EFCAB6: variants seen among roughly 807,000 people sequenced by gnomAD.
EFCAB6 encodes the protein EF-hand calcium-binding domain-containing protein 6.
Under a neutral mutation model 169.8 loss-of-function variants are expected in EFCAB6, and 156 were observed. That is an observed-to-expected ratio of 0.92 (90% CI 0.81 to 1.05). The LOEUF is 1.05. Ranked by LOEUF, EFCAB6 falls within the 50% of genes least tolerant of loss-of-function variation. The pLI, the probability that EFCAB6 is intolerant of heterozygous loss-of-function variation, is 0.00. For synonymous variants in EFCAB6, 698 were observed against 676.4 expected (o/e 1.03, Z -0.50); for missense variants, 1,800 against 1,829.1 (o/e 0.98, Z 0.29).
chr22:43,573,350 A>C (rs572425551), intron 26 of EFCAB6, among the ~76,000 whole-genome samples: 5 of 152,346 alleles, frequency 3.3e-5, no homozygotes, highest in African/African-American at 9.6e-5. Flanking sequence ...GTTTGTTAAA[A>C]AAAAAGACTT....
intron 17 of EFCAB6, among the ~76,000 whole-genome samples, chr22:43,658,538 T>C (rs868226030): frequency 6.6e-6 from 1 of 152,176 alleles, no homozygotes; most frequent in East Asian, 1.9e-4. Context: ...CCCCACACTT[T>C]CGTGGTACGC....
chr22:43,719,606 C>A (rs2059451569), intron 8 of EFCAB6, among the ~76,000 whole-genome samples: 1 of 152,212 alleles, frequency 6.6e-6, no homozygotes, highest in Non-Finnish European at 1.5e-5. Context: ...CTCTAACCGG[C>A]TCTTGGTAAT....
intron 26 of EFCAB6, among the ~76,000 whole-genome samples, chr22:43,562,765 AGGTCAGGGGTGGGAGGGAGGCAGCCT>A (rs2049144084): frequency 2.7e-5 from 1 of 36,956 alleles, no homozygotes; most frequent in African/African-American, 1.2e-4. Context: ...GAGGCAGCCC[AGGTCAGGGGTGGGAGGGAGGCAGCCT>A]GGTGCGGGGT....
At chr22:43,546,939 T>C (rs868151134) in intron 27 of EFCAB6, among the ~76,000 whole-genome samples, 1 of 150,132 alleles carries the variant, frequency 6.7e-6, no homozygotes, top group African/African-American at 2.4e-5. Context: ...TTCAAAAATA[T>C]GGTCAAAAAA....
chr22:43,540,344 CA>C lies in EFCAB6; in HGVS notation c.3661del (p.Trp1221GlyfsTer12). On this transcript the variant is annotated frameshift_variant, in exon 28 of 32. Transcript: ENST00000262726. LOFTEE classifies it high-confidence loss of function. ...ILTDEQFDRL[W>X]NEMPVNAKGR... is the part of the protein sequence containing the mutation. ...CTTGGCATTGACTGGCATCTCGTTC[CA>C]GAGTCTGTCAAACTGGAGAAGGAGC... 6.2e-7 allele frequency: 1 copy of C among 1,614,142 alleles called. No individual in the cohort carries two copies. The highest frequency in any genetic ancestry group is 8.5e-7 in the Non-Finnish European group (1 of 1,180,036).
intron 10 of EFCAB6, among the ~76,000 whole-genome samples, chr22:43,710,568 T>A (rs2059123426): frequency 6.6e-6 from 1 of 152,014 alleles, no homozygotes; most frequent in African/African-American, 2.4e-5. Flanking sequence ...TTATATTAAC[T>A]GTGTCTTGTT....
chr22:43,551,957 A>G (rs1191673968), intron 27 of EFCAB6: 4 of 151,548 alleles, frequency 2.6e-5, no homozygotes, highest in Non-Finnish European at 5.9e-5. Flanking sequence ...CCTCCTGAGC[A>G]GCTGGGACTA....
chr22:43,623,624 G>A (rs778673265), intron 20 of EFCAB6, among the ~76,000 whole-genome samples: 16 of 151,892 alleles, frequency 1.1e-4, no homozygotes, highest in South Asian at 4.2e-4. Context: ...GGCCAGGCGC[G>A]GTGGCTCACG....
intron 2 of EFCAB6, among the ~76,000 whole-genome samples, chr22:43,785,225 T>C (rs942739270): frequency 6.6e-6 from 1 of 152,154 alleles, no homozygotes; most frequent in African/African-American, 2.4e-5. Context: ...AATAGTAGAA[T>C]ATCATTCTTC....
chr22:43,763,538 C>T (rs1450675603), intron 5 of EFCAB6, among the ~76,000 whole-genome samples: 1 of 152,172 alleles, frequency 6.6e-6, no homozygotes, highest in Non-Finnish European at 1.5e-5. Context: ...TACACCTAAA[C>T]TGCATCAGTG....
intron 23 of EFCAB6, among the ~76,000 whole-genome samples, chr22:43,598,898 A>G (rs937827475): frequency 2.6e-5 from 4 of 152,244 alleles, no homozygotes; most frequent in African/African-American, 9.6e-5. Context: ...CACATTGTAT[A>G]CAAGTATCAA....
intron 2 of EFCAB6, among the ~76,000 whole-genome samples, chr22:43,791,802 G>A (rs1238596774): frequency 6.6e-6 from 1 of 152,166 alleles, no homozygotes; most frequent in Non-Finnish European, 1.5e-5. Context: ...TGCTGTAATG[G>A]GGAGAAACAG....
At chr22:43,800,585 G>T (rs1432634352) in intron 2 of EFCAB6, among the ~76,000 whole-genome samples, 1 of 152,126 alleles carries the variant, frequency 6.6e-6, no homozygotes, top group African/African-American at 2.4e-5. Flanking sequence ...AGATAACACA[G>T]AAAATCAATT....
chr22:43,742,880 G>A (rs942699232), intron 6 of EFCAB6, among the ~76,000 whole-genome samples: 10 of 152,200 alleles, frequency 6.6e-5, no homozygotes, highest in Admixed American at 2.0e-4. Flanking sequence ...CTTGGACCTC[G>A]GCATGATGGC....
intron 6 of EFCAB6, among the ~76,000 whole-genome samples, chr22:43,749,512 A>AG (rs1473109860): frequency 3.3e-5 from 5 of 152,094 alleles, no homozygotes; most frequent in Admixed American, 6.5e-5. Context: ...ATCAGACACT[A>AG]GTTAGATGGT....
At chr22:43,633,041 G>A (rs1422237301) in intron 18 of EFCAB6, among the ~76,000 whole-genome samples, 1 of 152,182 alleles carries the variant, frequency 6.6e-6, no homozygotes, top group Non-Finnish European at 1.5e-5. Flanking sequence ...TCAGGAGAAG[G>A]TCCTCGTGTT....
At position 43,710,490 on chromosome 22, in the gene EFCAB6, C is replaced by T. The variant is rs146429315; in HGVS notation, c.1031+985G>A. Among the ~76,000 whole-genome samples the T allele has an allele frequency of 1.5e-3, 233 of 152,186 alleles. 6 individuals carry two copies. The East Asian group carries it at 0.027, about 18-fold the overall frequency. On this transcript the variant is annotated intron_variant, in intron 10 of 31. Transcript: ENST00000262726. ...CTGATTGCTCACTTTTGGAGGATGC[C>T]AGGGAACCAGCTCATTATTTTGCAA...
intron 17 of EFCAB6, among the ~76,000 whole-genome samples, chr22:43,642,726 T>G (rs1160418999): frequency 6.6e-6 from 1 of 152,204 alleles, no homozygotes; most frequent in East Asian, 1.9e-4. Flanking sequence ...TGACTGTCCA[T>G]GTGGCCCCAG....
At chr22:43,685,889 A>AT (rs2058176660) in intron 11 of EFCAB6, among the ~76,000 whole-genome samples, 2 of 152,020 alleles carry the variant, frequency 1.3e-5, no homozygotes, top group Non-Finnish European at 1.5e-5. Flanking sequence ...ATTTTTGCCT[A>AT]TTTTTTGTGT....
Sources: allele counts gnomAD v4.1 joint callset (sites outside exome capture counted in the v4.1 genomes callset), GRCh38; gene constraint gnomAD v4.1.1; transcripts MANE v1.5; gene names NCBI Gene and HGNC (gene_info 2026-07-23, HGNC 2026-07-21).